Variants in ARB2A observed in about 807,000 individuals in gnomAD.
ARB2A encodes the protein cotranscriptional regulator ARB2A.
At chr5:94,102,694 C>A in the ARB2A span, among the ~76,000 whole-genome samples, 3 of 151,976 alleles carry the variant, frequency 2.0e-5, no homozygotes, top group Non-Finnish European at 4.4e-5. Context: ...TTCAAGACAA[C>A]CATGCTGAAG....
At chr5:94,055,556 TAA>T in the ARB2A span, 23 of 777,316 alleles carry the variant, frequency 3.0e-5, no homozygotes, top group Non-Finnish European at 3.6e-5. Context: ...ATCCCCAATA[TAA>T]AAAAAAAGTT....
the ARB2A span, among the ~76,000 whole-genome samples, chr5:94,008,562 T>C: frequency 6.6e-6 from 1 of 152,160 alleles, no homozygotes; most frequent in Non-Finnish European, 1.5e-5. Context: ...CTGTGATGAA[T>C]TATATTCTAA....
At chr5:93,661,448 G>C in the ARB2A span, among the ~76,000 whole-genome samples, 1 of 152,138 alleles carries the variant, frequency 6.6e-6, no homozygotes, top group South Asian at 2.1e-4. Context: ...ACAGGAGTAA[G>C]GGGTCATCTT....
At chr5:93,684,081 C>G in the ARB2A span, among the ~76,000 whole-genome samples, 2 of 152,084 alleles carry the variant, frequency 1.3e-5, no homozygotes, top group African/African-American at 4.8e-5. Context: ...TAGCAATGAC[C>G]GTGTCAAACT....
At chr5:93,631,560 G>C in the ARB2A span, among the ~76,000 whole-genome samples, 2 of 152,122 alleles carry the variant, frequency 1.3e-5, no homozygotes, top group African/African-American at 4.8e-5. Context: ...CACAAGCAAA[G>C]AATCACAAAG....
At chr5:93,938,834 T>C in the ARB2A span, among the ~76,000 whole-genome samples, 1 of 152,208 alleles carries the variant, frequency 6.6e-6, no homozygotes, top group South Asian at 2.1e-4. Context: ...CTGACAGAAG[T>C]ATTTGACTTC....
the ARB2A span, among the ~76,000 whole-genome samples, chr5:93,911,939 C>T: frequency 6.6e-6 from 1 of 151,678 alleles, no homozygotes; most frequent in Non-Finnish European, 1.5e-5. Flanking sequence ...CACATATACT[C>T]TTTCTCAAAC....
At chr5:93,747,202 A>T in the ARB2A span, among the ~76,000 whole-genome samples, 2 of 152,172 alleles carry the variant, frequency 1.3e-5, no homozygotes. Flanking sequence ...AGTACATGAG[A>T]AGTAGAAAAG....
chr5:93,926,605 T>C, the ARB2A span, among the ~76,000 whole-genome samples: 1 of 152,000 alleles, frequency 6.6e-6, no homozygotes, highest in African/African-American at 2.4e-5. Flanking sequence ...AAATTCACCA[T>C]GGAATGATAG....
chr5:94,020,242 C>T, the ARB2A span, among the ~76,000 whole-genome samples: 162 of 28,628 alleles, frequency 5.7e-3, no homozygotes, highest in African/African-American at 0.021. Context: ...GGACACGGGG[C>T]GGGGGGGGTA....
the ARB2A span, among the ~76,000 whole-genome samples, chr5:93,796,252 T>G: frequency 6.6e-6 from 1 of 152,210 alleles, no homozygotes; most frequent in African/African-American, 2.4e-5. Context: ...CTTAGTTGTT[T>G]TATGCCCTCA....
chr5:93,651,582 A>G, the ARB2A span, among the ~76,000 whole-genome samples: 1 of 152,240 alleles, frequency 6.6e-6, no homozygotes, highest in African/African-American at 2.4e-5. Flanking sequence ...TTAGGCTGAA[A>G]GGAAATGACA....
chr5:94,090,729 C>G, the ARB2A span, among the ~76,000 whole-genome samples: 1 of 152,142 alleles, frequency 6.6e-6, no homozygotes, highest in Non-Finnish European at 1.5e-5. Context: ...GAGTTTTTAG[C>G]ATGAAGCAGT....
At chr5:93,882,512 TC>T in the ARB2A span, among the ~76,000 whole-genome samples, 1 of 151,264 alleles carries the variant, frequency 6.6e-6, no homozygotes, top group Non-Finnish European at 1.5e-5. Flanking sequence ...AAACATGTTT[TC>T]CTGTCTCATT....
the ARB2A span, among the ~76,000 whole-genome samples, chr5:93,970,877 C>T: frequency 6.6e-6 from 1 of 152,046 alleles, no homozygotes; most frequent in Non-Finnish European, 1.5e-5. Flanking sequence ...CAAATGAGCC[C>T]AAAGGAGTCA....
the ARB2A span, among the ~76,000 whole-genome samples, chr5:93,992,589 A>G: frequency 6.6e-6 from 1 of 152,066 alleles, no homozygotes; most frequent in Non-Finnish European, 1.5e-5. Context: ...GATGTAATAT[A>G]CACCAGCGCT....
the ARB2A span, among the ~76,000 whole-genome samples, chr5:93,716,749 A>G: frequency 2.0e-5 from 3 of 151,786 alleles, no homozygotes; most frequent in Non-Finnish European, 2.9e-5. Flanking sequence ...AAAGGACAGG[A>G]AACATGATGT....
At chr5:93,852,660 G>C in the ARB2A span, among the ~76,000 whole-genome samples, 11 of 152,248 alleles carry the variant, frequency 7.2e-5, no homozygotes, top group South Asian at 2.3e-3. Flanking sequence ...TCCAGTTTCA[G>C]CTTTCTACAT....
the ARB2A span, among the ~76,000 whole-genome samples, chr5:93,856,610 C>G: frequency 6.6e-6 from 1 of 152,148 alleles, no homozygotes; most frequent in Admixed American, 6.5e-5. Context: ...ATGTAGTTCT[C>G]GAGCCTTGGC....
Sources: gnomAD v4.1 joint callset for allele counts (sites outside exome capture counted in the v4.1 genomes callset) on GRCh38, gnomAD v4.1.1 for gene constraint, MANE v1.5 for transcripts, NCBI Gene and HGNC (gene_info 2026-07-23, HGNC 2026-07-21) for gene names.